Variants in PPP1R35 observed in about 807,000 individuals in gnomAD.
The protein encoded by PPP1R35 is protein phosphatase 1 regulatory subunit 35.
Under a neutral mutation model 22.2 loss-of-function variants are expected in PPP1R35, and 23 were observed. The ratio of observed to expected loss-of-function variants is 1.04; its 90% CI spans 0.75 to 1.47. The LOEUF (loss-of-function observed/expected upper bound fraction) is 1.47. Ranked by LOEUF, PPP1R35 falls within the 40% of genes most tolerant of loss-of-function variation. The pLI, the probability that PPP1R35 is intolerant of heterozygous loss-of-function variation, is 0.00. For synonymous variants in PPP1R35, 198 were observed against 165.7 expected (o/e 1.19, Z -1.50); for missense variants, 409 against 349.6 (o/e 1.17, Z -1.36).
upstream of PPP1R35, chr7:100,436,667 C>T: frequency 3.3e-6 from 1 of 303,456 alleles, no homozygotes; most frequent in Non-Finnish European, 6.1e-6. Context: ...GCACCGCCCC[C>T]AAGCCGAAGT....
In PPP1R35 at chr7:100,435,820, C is replaced by T. The variant is rs1433842984; in HGVS notation, c.451+28G>A. The T allele has an allele frequency of 2.5e-6, 4 of 1,577,650 alleles. No homozygotes were observed. The East Asian group carries it at 9.2e-5, about 36-fold the overall frequency. On this transcript the variant is annotated intron_variant, in intron 2 of 3. Coordinates refer to ENST00000292330, the MANE Select transcript of PPP1R35 (RefSeq NM_145030.4). ...GTGGCGCGCCTCACCCCGACTCCCGCACGCGGCCGGCCGCCCGCCCCCCTC... is the reference window on the plus strand; with the variant it reads ...GTGGCGCGCCTCACCCCGACTCCCGTACGCGGCCGGCCGCCCGCCCCCCTC...
chr7:100,436,425 A>C lies in PPP1R35; in HGVS notation c.-51T>G. The C allele has an allele frequency of 7.4e-7, 1 of 1,353,720 alleles. No homozygotes were observed. The highest frequency in any genetic ancestry group is 9.9e-7 in the Non-Finnish European group (1 of 1,010,758). 83.9% of individuals were successfully genotyped at this position (1,353,720 alleles called of 1,614,324 possible). On this transcript the variant is annotated 5_prime_UTR_variant, in exon 1 of 4. Transcript: ENST00000292330. Reference sequence around the variant, plus strand: ...GGATGCGGGGGTCGCAGACGCTCCAACGGTCAGGGGACACAGCCTGGCTGC... The same window carrying C: ...GGATGCGGGGGTCGCAGACGCTCCACCGGTCAGGGGACACAGCCTGGCTGC...
chr7:100,435,606 A>C, intron 3 of PPP1R35, 25 bp downstream of exon 3: 2 of 1,613,932 alleles, frequency 1.2e-6, no homozygotes, highest in Non-Finnish European at 1.7e-6. Context: ...TACATGGAGG[A>C]AGCCCCACGC....
chr7:100,436,552 C>T (rs759796907), upstream of PPP1R35: 19 of 418,478 alleles, frequency 4.5e-5, no homozygotes, highest in Admixed American at 8.9e-5. Flanking sequence ...TTGTCGCTCC[C>T]AGGCGTCATT....
At chr7:100,436,586 C>G (rs965029655), upstream of PPP1R35, 3 of 404,254 alleles carry the variant, frequency 7.4e-6, no homozygotes, top group Non-Finnish European at 1.3e-5. Flanking sequence ...CCCCAGGTTT[C>G]CGGCAGGCTT....
Position 100,435,730 on chromosome 7 carries a change from G to A in PPP1R35, c.489C>T (p.Asp163=). The part of the protein sequence containing the change: ...NVPRSKRLFR[D]LVSLQVPEEQ... ...CCTCCGGCACCTGCAGGCTCACCAGGTCCCGGAAGAGCCGCTTGGAGCGCG... is the reference window on the plus strand; with the variant it reads ...CCTCCGGCACCTGCAGGCTCACCAGATCCCGGAAGAGCCGCTTGGAGCGCG... Residue 163 remains aspartate (D), a synonymous_variant, in exon 3 of 4, where the codon GAC becomes GAT. Transcript: ENST00000292330. The A allele has an allele frequency of 1.2e-6, 2 of 1,602,782 alleles. No individual in the cohort carries two copies. Among genetic ancestry groups the A allele is most frequent in the Admixed American group, 1.7e-5 (1 of 58,396 alleles).
chr7:100,435,439 G>C lies in PPP1R35; in HGVS notation c.683C>G (p.Pro228Arg), dbSNP rs752926346. 9.3e-6 allele frequency: 15 copies of C among 1,612,752 alleles called. No homozygotes were observed. The highest frequency in any genetic ancestry group is 4.0e-5 in the African/African-American group (3 of 74,850). ...GCGGGGCCGGAGTTGAAGTCGGAGAGGGGGCAGACCGTCCAGGGTCAGGTG... is the reference window on the plus strand; with the variant it reads ...GCGGGGCCGGAGTTGAAGTCGGAGACGGGGCAGACCGTCCAGGGTCAGGTG... ...SPHLTLDGLP[P>R]LRLQLRPRPS... is the part of the protein sequence containing the mutation. Residue 228 changes from proline to arginine, a missense_variant, in exon 4 of 4, where the codon CCT becomes CGT. Physicochemically the swap from Pro to Arg is moderately radical, Grantham distance 103. Transcript: ENST00000292330.
At position 100,435,936 on chromosome 7, in the gene PPP1R35, C is replaced by G; in HGVS notation, c.363G>C (p.Gly121=). The G allele has an allele frequency of 1.3e-6, 2 of 1,596,494 alleles. No homozygotes were observed. The highest frequency in any genetic ancestry group is 1.7e-6 in the Non-Finnish European group (2 of 1,176,392). ...CGGCCTTCGCAGCATCAAAGTGGCT[C>G]CCGGCTGCGGCCCGCAGCTCCAGGC... The part of the protein sequence containing the change: ...ALGLELRAAA[G]SHFDAAKAVE... The change falls in exon 2 of 4, where the codon GGG becomes GGC. Residue 121 remains glycine, a synonymous_variant. Coordinates refer to ENST00000292330, the MANE Select transcript of PPP1R35 (RefSeq NM_145030.4).
rs766202578 is a variant in PPP1R35 at position 100,435,410 on chromosome 7, A to AATC, written c.711_712insGAT (p.Pro237_Ser238insAsp). On this transcript the variant is annotated inframe_insertion, in exon 4 of 4. Coordinates refer to ENST00000292330, the MANE Select transcript of PPP1R35 (RefSeq NM_145030.4). ...CGGTGCATGAGGAAGGTGTCCTCTG[A>AATC]AGGGCGGGGCCGGAGTTGAAGTCGG... 16 of 1,612,364 alleles carry AATC rather than the reference A, an allele frequency of 9.9e-6. No individual in the cohort carries two copies. In the Admixed American group the frequency reaches 1.5e-4, roughly 15 times the overall value.
intron 3 of PPP1R35, 23 bp from the exon 4 acceptor site, chr7:100,435,556 G>A (rs946515905): frequency 2.5e-6 from 4 of 1,614,104 alleles, no homozygotes; most frequent in African/African-American, 2.7e-5. Context: ...TGGGCCCAAA[G>A]CAAGGTTACA....
intron 2 of PPP1R35, 23 bp from the exon 3 acceptor site, chr7:100,435,790 G>T: frequency 6.3e-7 from 1 of 1,589,840 alleles, no homozygotes. Flanking sequence ...CGGGGACGGA[G>T]GTGAGTGGCG....
chr7:100,436,488 G>T lies in PPP1R35; in HGVS notation c.-114C>A. The T allele has an allele frequency of 1.3e-6, 1 of 746,328 alleles. No homozygotes were observed. Among genetic ancestry groups the T allele is most frequent in the Non-Finnish European group, 2.0e-6 (1 of 503,058 alleles). The allele number at this position is 746,328 out of a possible 1,614,324, so 46.2% of individuals were successfully genotyped here. A position where few individuals can be genotyped will look rare whatever the true frequency, so the allele number is the denominator to read the frequency against. On this transcript the variant is annotated 5_prime_UTR_variant, in exon 1 of 4. Transcript: ENST00000292330. Reference sequence around the variant, plus strand: ...CCCGCCCCTCCTAGACGCCGCTACCGGAAACCGTTAACCCTTTCCTTCGGG... The same window carrying T: ...CCCGCCCCTCCTAGACGCCGCTACCTGAAACCGTTAACCCTTTCCTTCGGG...
chr7:100,435,526 G>T lies in PPP1R35; in HGVS notation c.596C>A (p.Pro199His). 6.2e-7 allele frequency: 1 copy of T among 1,614,136 alleles called. No homozygotes were observed. The highest frequency in any genetic ancestry group is 1.1e-5 in the South Asian group (1 of 91,088). The change falls in exon 4 of 4, where the codon CCT (proline) becomes CAT (histidine). Residue 199 changes from proline to histidine, a missense_variant. Pro to His is a moderately conservative substitution (Grantham distance 77). Transcript: ENST00000292330. The part of the protein sequence containing the change: ...QARAPHPKEP[P>H]GPGPDMTILC... The stretch of plus-strand genomic sequence containing the variant: ...GATGGTCATGTCTGGCCCAGGCCCA[G>T]GTGGCTCCTGTTGGGAGGTTGGGCC...
Position 100,436,479 on chromosome 7 carries a change from G to A in PPP1R35, c.-105C>T. 1.2e-6 allele frequency: 1 copy of A among 808,610 alleles called. No individual in the cohort carries two copies. The highest frequency in any genetic ancestry group is 2.2e-5 in the South Asian group (1 of 44,936). The allele number at this position is 808,610 out of a possible 1,614,324, so 50.1% of individuals were successfully genotyped here. On this transcript the variant is annotated 5_prime_UTR_variant, in exon 1 of 4. Transcript: ENST00000292330. Reference sequence around the variant, plus strand: ...CTCCTTTCCCCCGCCCCTCCTAGACGCCGCTACCGGAAACCGTTAACCCTT... The same window carrying A: ...CTCCTTTCCCCCGCCCCTCCTAGACACCGCTACCGGAAACCGTTAACCCTT...
chr7:100,436,488 G>C lies in PPP1R35; in HGVS notation c.-114C>G, dbSNP rs904091720. 2.7e-6 allele frequency: 2 copies of C among 746,210 alleles called. No homozygotes were observed. Among genetic ancestry groups the C allele is most frequent in the African/African-American group, 1.8e-5 (1 of 54,104 alleles). The allele number at this position is 746,210 out of a possible 1,614,324, so 46.2% of individuals were successfully genotyped here. ...CCCGCCCCTCCTAGACGCCGCTACCGGAAACCGTTAACCCTTTCCTTCGGG... is the reference window on the plus strand; with the variant it reads ...CCCGCCCCTCCTAGACGCCGCTACCCGAAACCGTTAACCCTTTCCTTCGGG... On this transcript the variant is annotated 5_prime_UTR_variant, in exon 1 of 4. Transcript: ENST00000292330.
chr7:100,435,752 C>G lies in PPP1R35; in HGVS notation c.467G>C (p.Arg156Pro). ...ESVSEGLNVPRSKRLFRDLVS... is the reference protein window; with the variant it reads ...ESVSEGLNVPPSKRLFRDLVS... ...CAGGTCCCGGAAGAGCCGCTTGGAG[C>G]GCGGCACGTTCAGCCCTGAGAGCGC... The change falls in exon 3 of 4, where the codon CGC (arginine) becomes CCC (proline). Residue 156 changes from arginine to proline, a missense_variant. Arg to Pro is a moderately radical substitution (Grantham distance 103). Coordinates refer to ENST00000292330, the MANE Select transcript of PPP1R35 (RefSeq NM_145030.4). 1.9e-6 allele frequency: 3 copies of G among 1,600,510 alleles called. No homozygotes were observed. In the South Asian group the frequency reaches 3.3e-5, roughly 18 times the overall value.
In PPP1R35 at chr7:100,436,242, T is replaced by C; in HGVS notation, c.133A>G (p.Ser45Gly). 5 of 1,301,212 alleles carry C rather than the reference T, an allele frequency of 3.8e-6. No individual in the cohort carries two copies. The highest frequency in any genetic ancestry group is 4.9e-6 in the Non-Finnish European group (5 of 1,020,890). The allele number at this position is 1,301,212 out of a possible 1,614,324, so 80.6% of individuals were successfully genotyped here. The change falls in exon 1 of 4, where the codon AGC becomes GGC. Residue 45 changes from serine to glycine, a missense_variant. Ser to Gly is a moderately conservative substitution (Grantham distance 56). Coordinates refer to ENST00000292330, the MANE Select transcript of PPP1R35 (RefSeq NM_145030.4). Reference sequence around the variant, plus strand: ...GGGCTGTCGGGCCGCGGGCTCAGGCTCAAGTCCAGGCCGGGCTCGGGCACT... The same window carrying C: ...GGGCTGTCGGGCCGCGGGCTCAGGCCCAAGTCCAGGCCGGGCTCGGGCACT... ...APVPEPGLDL[S>G]LSPRPDSPQP...
In PPP1R35 at chr7:100,435,766, C is replaced by A. The variant is rs200078456; in HGVS notation, c.453G>T (p.Gly151=). 6.3e-7 allele frequency: 1 copy of A among 1,598,990 alleles called. No individual in the cohort carries two copies. The highest frequency in any genetic ancestry group is 1.3e-5 in the African/African-American group (1 of 75,030). The change falls in exon 3 of 4, where the codon GGG becomes GGT. Residue 151 remains glycine (G), a splice_region_variant and synonymous_variant. Transcript: ENST00000292330. ...GCCGCTTGGAGCGCGGCACGTTCAGCCCTGAGAGCGCAGCGGGGACGGAGG... is the reference window on the plus strand; with the variant it reads ...GCCGCTTGGAGCGCGGCACGTTCAGACCTGAGAGCGCAGCGGGGACGGAGG... ...RCGLEESVSE[G]LNVPRSKRLF... is the part of the protein sequence containing the mutation.
Position 100,435,447 on chromosome 7 carries a change from A to G in PPP1R35, c.675T>C (p.Gly225=). 6.2e-7 allele frequency: 1 copy of G among 1,613,422 alleles called. No individual in the cohort carries two copies. Among genetic ancestry groups the G allele is most frequent in the East Asian group, 2.2e-5 (1 of 44,886 alleles). Residue 225 remains glycine, a synonymous_variant, in exon 4 of 4, where the codon GGT becomes GGC. Coordinates refer to ENST00000292330, the MANE Select transcript of PPP1R35 (RefSeq NM_145030.4). ...GGAGTTGAAGTCGGAGAGGGGGCAG[A>G]CCGTCCAGGGTCAGGTGTGGAGATT... is the stretch of plus-strand genomic sequence containing the variant. ...FYESPHLTLD[G]LPPLRLQLRP... is the part of the protein sequence containing the mutation.
Sources: allele counts gnomAD v4.1 joint callset, GRCh38; gene constraint gnomAD v4.1.1; transcripts MANE v1.5; gene names NCBI Gene and HGNC (gene_info 2026-07-23, HGNC 2026-07-21).